TLK2: variants seen among roughly 807,000 people sequenced by gnomAD.
The protein encoded by TLK2 is serine/threonine-protein kinase tousled-like 2.
A neutral mutation model predicts 117.3 loss-of-function variants in TLK2; 6 were observed. The ratio of observed to expected loss-of-function variants is 0.05; its 90% CI spans 0.03 to 0.10. The LOEUF (loss-of-function observed/expected upper bound fraction) is 0.10, where lower values mean the gene tolerates loss of function less well. Among genes scored for constraint, TLK2 ranks in the 10% least tolerant of loss-of-function variants. The pLI is 1.00. For synonymous variants in TLK2, 257 were observed against 316.7 expected (o/e 0.81, Z 2.00); for missense variants, 299 against 901.2 (o/e 0.33, Z 8.56).
At chr17:62,599,992 T>C (rs2082757634) in intron 17 of TLK2, among the ~76,000 whole-genome samples, 1 of 152,228 alleles carries the variant, frequency 6.6e-6, no homozygotes, top group South Asian at 2.1e-4. Flanking sequence ...CCACATACTT[T>C]TGTTAGAACC....
chr17:62,613,732 G>T lies in TLK2; in HGVS notation c.*1167G>T, dbSNP rs1231141776. The T allele has an allele frequency of 2.0e-5, 3 of 152,310 alleles. No homozygotes were observed. The highest frequency in any genetic ancestry group is 4.1e-4 in the South Asian group (2 of 4,828). The allele number at this position is 152,310 out of a possible 1,614,324, so 9.4% of individuals were successfully genotyped here. ...CCCCAAGCCTCTGAATTTTGTGGGT[G>T]TGTGGTGGTGTGTGTCTGTGTGTGC... On this transcript the variant is annotated 3_prime_UTR_variant, in exon 22 of 22. Coordinates refer to ENST00000346027, the MANE Select transcript of TLK2 (RefSeq NM_006852.6).
chr17:62,560,419 T>C (rs928842573), intron 10 of TLK2: 67 of 168,356 alleles, frequency 4.0e-4, no homozygotes, highest in Non-Finnish European at 1.3e-5. Context: ...ATATTCATTC[T>C]ATCAATTGAA....
At chr17:62,554,547 A>G (rs755034434) in intron 9 of TLK2, among the ~76,000 whole-genome samples, 1 of 152,192 alleles carries the variant, frequency 6.6e-6, no homozygotes, top group Non-Finnish European at 1.5e-5. Context: ...GCGCCACTGC[A>G]TTCCAGCCTG....
intron 2 of TLK2, among the ~76,000 whole-genome samples, chr17:62,492,923 C>G (rs1418896437): frequency 6.6e-6 from 1 of 151,880 alleles, no homozygotes; most frequent in Non-Finnish European, 1.5e-5. Flanking sequence ...TAGTGAAACC[C>G]CAACTCTACT....
chr17:62,474,841 T>A (rs996357250), upstream of TLK2, among the ~76,000 whole-genome samples: 4 of 151,720 alleles, frequency 2.6e-5, no homozygotes, highest in African/African-American at 9.7e-5. Context: ...TTTTTTTTTT[T>A]TTAAGAGACA....
At chr17:62,533,477 T>C (rs1296143119) in intron 6 of TLK2, among the ~76,000 whole-genome samples, 4 of 148,008 alleles carry the variant, frequency 2.7e-5, no homozygotes, top group Admixed American at 6.8e-5. Flanking sequence ...TGTGTGTGTG[T>C]AATTTTTTTT....
chr17:62,471,886 G>GTGTTT (rs1179717599), intron 1 of TLK2, among the ~76,000 whole-genome samples: 1 of 38,996 alleles, frequency 2.6e-5, no homozygotes, highest in Non-Finnish European at 5.5e-5. Flanking sequence ...AGGTAGTATA[G>GTGTTT]TCTTTTTTTT....
chr17:62,486,708 C>T (rs2072436198), intron 2 of TLK2, among the ~76,000 whole-genome samples: 1 of 152,194 alleles, frequency 6.6e-6, no homozygotes, highest in Admixed American at 6.5e-5. Flanking sequence ...AATGCTAATA[C>T]AGTAGCAAAT....
intron 6 of TLK2, among the ~76,000 whole-genome samples, chr17:62,535,265 C>A (rs2077036084): frequency 6.6e-6 from 1 of 152,058 alleles, no homozygotes; most frequent in East Asian, 1.9e-4. Flanking sequence ...TAATTTATCC[C>A]TCCCTAAAGT....
At chr17:62,597,377 A>C (rs2082556223) in intron 17 of TLK2, 1 of 152,170 alleles carries the variant, frequency 6.6e-6, no homozygotes, top group Non-Finnish European at 1.5e-5. Flanking sequence ...CATTGTGTGG[A>C]TATACCACAT....
At position 62,535,774 on chromosome 17, in the gene TLK2, C is replaced by CA. The variant is rs370555348; in HGVS notation, c.364-386dup. Among the ~76,000 whole-genome samples, 1,100 of 129,408 alleles carry CA rather than the reference C, an allele frequency of 8.5e-3. 18 individuals carry two copies. Among genetic ancestry groups the CA allele is most frequent in the African/African-American group, 0.029 (1,015 of 34,630 alleles). The allele number at this position is 129,408 out of a possible 152,430, so 84.9% of individuals were successfully genotyped here. A position where few individuals can be genotyped will look rare whatever the true frequency, so the allele number is the denominator to read the frequency against. ...GGGCAACAAGAATGAAACTCCATCTCAAAAAAAAAAGAAAAAAGAAAAAAG... is the reference window on the plus strand; with the variant it reads ...GGGCAACAAGAATGAAACTCCATCTCAAAAAAAAAAAGAAAAAAGAAAAAAG... On this transcript the variant is annotated intron_variant, in intron 6 of 21. Coordinates refer to ENST00000346027, the MANE Select transcript of TLK2 (RefSeq NM_006852.6).
intron 6 of TLK2, among the ~76,000 whole-genome samples, chr17:62,531,040 T>A (rs1377301179): frequency 6.6e-6 from 1 of 152,206 alleles, no homozygotes; most frequent in Non-Finnish European, 1.5e-5. Flanking sequence ...AGTCTTTAGC[T>A]ATGGTGTTCT....
intron 2 of TLK2, among the ~76,000 whole-genome samples, chr17:62,498,508 G>C (rs1210164540): frequency 6.6e-6 from 1 of 151,354 alleles, no homozygotes; most frequent in Non-Finnish European, 1.5e-5. Flanking sequence ...TCCTTTCTCA[G>C]CTTCCCAAAT....
chr17:62,570,153 A>T (rs2080159996), intron 11 of TLK2, among the ~76,000 whole-genome samples: 1 of 152,068 alleles, frequency 6.6e-6, no homozygotes, highest in Admixed American at 6.5e-5. Flanking sequence ...ATCTTTATTC[A>T]CCCTATTTCC....
chr17:62,487,722 C>T (rs2072607859), intron 2 of TLK2, among the ~76,000 whole-genome samples: 1 of 145,956 alleles, frequency 6.9e-6, no homozygotes, highest in African/African-American at 2.5e-5. Flanking sequence ...CTCCCAGGTC[C>T]AAGTGATTCT....
chr17:62,515,093 T>C (rs1380154044), intron 2 of TLK2, among the ~76,000 whole-genome samples: 2 of 152,224 alleles, frequency 1.3e-5, no homozygotes, highest in African/African-American at 2.4e-5. Flanking sequence ...TTAACTATTA[T>C]AGGTGCCTCA....
At chr17:62,551,873 G>A (rs2146197203) in intron 7 of TLK2, 2 of 203,826 alleles carry the variant, frequency 9.8e-6, no homozygotes, top group South Asian at 7.6e-5. Flanking sequence ...TGTGTTCATG[G>A]ATAATGTTTG....
At chr17:62,493,118 G>A (rs201671358) in intron 2 of TLK2, among the ~76,000 whole-genome samples, 2 of 151,734 alleles carry the variant, frequency 1.3e-5, no homozygotes, top group African/African-American at 4.8e-5. Flanking sequence ...CAATGACAAC[G>A]AAAAAACCTC....
intron 10 of TLK2, among the ~76,000 whole-genome samples, chr17:62,562,172 C>G (rs1193288224): frequency 5.3e-5 from 8 of 152,110 alleles, no homozygotes. Flanking sequence ...TCAGCCTGGC[C>G]AACATGGTGA....
Sources: allele counts gnomAD v4.1 joint callset (sites outside exome capture counted in the v4.1 genomes callset), GRCh38; gene constraint gnomAD v4.1.1; transcripts MANE v1.5; gene names NCBI Gene and HGNC (gene_info 2026-07-23, HGNC 2026-07-21).